Variants in LARGE1 observed in about 807,000 individuals in gnomAD.
LARGE1 encodes the protein xylosyl- and glucuronyltransferase LARGE1.
A neutral mutation model predicts 87.6 loss-of-function variants in LARGE1; 43 were observed. That is an observed-to-expected ratio of 0.49 (90% CI 0.38 to 0.63). LARGE1 has a LOEUF of 0.63. LARGE1 is among the 30% of genes least tolerant of loss of function. The probability of loss-of-function intolerance (pLI) is 0.00; values close to 1 mark genes in which losing one functional copy is unlikely to be tolerated. For missense variants in LARGE1, 802 were observed against 1,000.2 expected, an observed-to-expected ratio of 0.80 and a Z score of 2.67; for synonymous variants, 434 against 394.6, an observed-to-expected ratio of 1.10 and a Z score of -1.18.
the LARGE1 span, among the ~76,000 whole-genome samples, chr22:33,101,500 C>T: frequency 2.4e-3 from 365 of 152,266 alleles, no homozygotes; most frequent in African/African-American, 8.6e-3. Flanking sequence ...CTCCTCTGTG[C>T]TAGGAACTAG....
chr22:33,301,403 G>A lies in LARGE1; in HGVS notation c.1730+2826C>T, dbSNP rs78228961. Among the ~76,000 whole-genome samples the A allele has an allele frequency of 2.0e-3, 309 of 152,024 alleles. 3 individuals carry two copies. Among genetic ancestry groups the A allele is most frequent in the Admixed American group, 3.8e-3 (58 of 15,256 alleles). On this transcript the variant is annotated intron_variant, in intron 12 of 14. Transcript: ENST00000397394. Reference sequence around the variant, plus strand: ...AGGCAGCCTGAAGGCATATTTTGTCGGCCTCAACAGCATTTGAAATGATTT... The same window carrying A: ...AGGCAGCCTGAAGGCATATTTTGTCAGCCTCAACAGCATTTGAAATGATTT...
chr22:33,304,046 T>C (rs1934531277), intron 12 of LARGE1, among the ~76,000 whole-genome samples, 183 bp downstream of exon 12: 1 of 152,254 alleles, frequency 6.6e-6, no homozygotes, highest in Non-Finnish European at 1.5e-5. Flanking sequence ...TTTCAGTCTG[T>C]TCACTGAGAA....
chr22:33,726,729 G>A (rs1230539760), intron 2 of LARGE1, among the ~76,000 whole-genome samples: 1 of 152,136 alleles, frequency 6.6e-6, no homozygotes, highest in Non-Finnish European at 1.5e-5. Context: ...CCAGCCCCAA[G>A]GTGGGCAATT....
At chr22:33,800,899 A>C (rs1249279537) in intron 1 of LARGE1, among the ~76,000 whole-genome samples, 1 of 152,172 alleles carries the variant, frequency 6.6e-6, no homozygotes, top group East Asian at 1.9e-4. Context: ...TTTTTCTGGA[A>C]GTGTGACTTC....
intron 2 of LARGE1, among the ~76,000 whole-genome samples, chr22:33,737,061 C>T (rs889680712): frequency 6.6e-6 from 1 of 152,074 alleles, no homozygotes; most frequent in Admixed American, 6.6e-5. Context: ...GGGATCCTCC[C>T]CTCTCTTCAC....
intron 2 of LARGE1, among the ~76,000 whole-genome samples, chr22:33,665,090 C>T (rs112852300): frequency 1.6e-4 from 24 of 152,186 alleles, no homozygotes; most frequent in African/African-American, 5.8e-4. Flanking sequence ...GTTGCCTCTT[C>T]CCTCGTTCAT....
At chr22:33,156,461 G>A in the LARGE1 span, among the ~76,000 whole-genome samples, 1 of 152,148 alleles carries the variant, frequency 6.6e-6, no homozygotes, top group Non-Finnish European at 1.5e-5. Flanking sequence ...TGAGCTTTAA[G>A]GTTTGACTGC....
Position 33,809,122 on chromosome 22 carries a change from A to G in LARGE1, c.-82-47564T>C, listed in dbSNP as rs189794695. The stretch of plus-strand genomic sequence containing the variant: ...CCCCATCTCTACTAAAAGTACAAAA[A>G]TTAGCTGGGCGTGGTAGTGGGTGCC... On this transcript the variant is annotated intron_variant, in intron 1 of 14. Coordinates refer to ENST00000397394, the MANE Select transcript of LARGE1 (RefSeq NM_133642.5). Among the ~76,000 whole-genome samples, 671 of 152,142 alleles carry G rather than the reference A, an allele frequency of 4.4e-3. 3 individuals are homozygous for G. The highest frequency in any genetic ancestry group is 0.015 in the African/African-American group (617 of 41,530).
Position 33,305,838 on chromosome 22 carries a change from C to CTTTT in LARGE1, c.1452-1335_1452-1332dup, listed in dbSNP as rs200366425. Among the ~76,000 whole-genome samples, 536 of 126,370 alleles carry CTTTT rather than the reference C, an allele frequency of 4.2e-3. 30 individuals are homozygous for CTTTT. Among genetic ancestry groups the CTTTT allele is most frequent in the African/African-American group, 0.013 (413 of 30,856 alleles). 82.9% of individuals were successfully genotyped at this position (126,370 alleles called of 152,430 possible). On this transcript the variant is annotated intron_variant, in intron 11 of 14. Transcript: ENST00000397394. ...AAATTGACCAGAAACATTTCTTTTT[C>CTTTT]TTTTTCTTTTTTTTTTTTTTGAGGC... is the stretch of plus-strand genomic sequence containing the variant.
chr22:33,421,129 C>T (rs1024199636), intron 7 of LARGE1, among the ~76,000 whole-genome samples: 1 of 152,104 alleles, frequency 6.6e-6, no homozygotes, highest in Admixed American at 6.6e-5. Context: ...GTGGAGGTTG[C>T]AGTGAGCAGA....
At chr22:33,859,475 G>A (rs2063850784) in intron 1 of LARGE1, among the ~76,000 whole-genome samples, 1 of 152,188 alleles carries the variant, frequency 6.6e-6, no homozygotes, top group Non-Finnish European at 1.5e-5. Context: ...AGTGTTGTCT[G>A]AGTAGGGACT....
chr22:33,625,453 C>A (rs147494893), intron 4 of LARGE1, among the ~76,000 whole-genome samples: 35 of 152,246 alleles, frequency 2.3e-4, no homozygotes, highest in Non-Finnish European at 4.7e-4. Flanking sequence ...CATGGGGGTC[C>A]ACGAGAGTCA....
chr22:33,719,744 T>A (rs1030871531), intron 2 of LARGE1, among the ~76,000 whole-genome samples: 1 of 152,126 alleles, frequency 6.6e-6, no homozygotes, highest in African/African-American at 2.4e-5. Flanking sequence ...ATGGTCCTGA[T>A]TTCCTGACCT....
At chr22:33,174,634 G>C (rs1295769804) in intron 11 of LARGE1, among the ~76,000 whole-genome samples, 1 of 152,036 alleles carries the variant, frequency 6.6e-6, no homozygotes. Flanking sequence ...GAATCAAATA[G>C]ACACAATAAA....
At chr22:33,776,136 CAG>C (rs2145853324) in intron 1 of LARGE1, among the ~76,000 whole-genome samples, 1 of 152,300 alleles carries the variant, frequency 6.6e-6, no homozygotes, top group Admixed American at 6.5e-5. Context: ...TCTTTTCCTC[CAG>C]AGTCATCTCC....
In LARGE1 at chr22:33,304,406, T is replaced by C. The variant is rs756533976; in HGVS notation, c.1553A>G (p.Gln518Arg). 3.1e-6 allele frequency: 5 copies of C among 1,614,254 alleles called. No homozygotes were observed. Among genetic ancestry groups the C allele is most frequent in the African/African-American group, 1.3e-5 (1 of 75,060 alleles). ...AEAQQFLRYAQGSEVLMSRHN... is the reference protein window; with the variant it reads ...AEAQQFLRYARGSEVLMSRHN... Reference sequence around the variant, plus strand: ...GCGGCTCATAAGCACCTCAGAGCCCTGTGCGTAGCGGAGGAACTGCTGGGC... The same window carrying C: ...GCGGCTCATAAGCACCTCAGAGCCCCGTGCGTAGCGGAGGAACTGCTGGGC... Residue 518 changes from glutamine to arginine, a missense_variant, in exon 12 of 15, where the codon CAG (glutamine) becomes CGG (arginine). Gln to Arg is a conservative substitution (Grantham distance 43, BLOSUM62 1). Coordinates refer to ENST00000397394, the MANE Select transcript of LARGE1 (RefSeq NM_133642.5).
At chr22:33,377,948 A>G (rs2065039727) in intron 9 of LARGE1, among the ~76,000 whole-genome samples, 3 of 152,220 alleles carry the variant, frequency 2.0e-5, no homozygotes, top group South Asian at 4.1e-4. Context: ...CCTTCATCCT[A>G]CTTTCAATAT....
Position 33,789,278 on chromosome 22 carries a change from C to A in LARGE1, c.-82-27720G>T, listed in dbSNP as rs190090404. 5.1e-4 allele frequency among the ~76,000 whole-genome samples: 77 copies of A among 152,310 alleles called. 1 individual carries two copies. In the East Asian group the frequency reaches 0.014, roughly 28 times the overall value. ...TGGTGGCTTCCACATGCTGTTGGGC[C>A]TGGGGGTAAAGAGAAGTCAATAATT... On this transcript the variant is annotated intron_variant, in intron 1 of 14. Transcript: ENST00000397394.
At chr22:33,676,930 T>C (rs1005627948) in intron 2 of LARGE1, among the ~76,000 whole-genome samples, 3 of 152,188 alleles carry the variant, frequency 2.0e-5, no homozygotes, top group Admixed American at 6.5e-5. Context: ...AGCAATAAGA[T>C]AGAGCTTCAA....
Sources: gnomAD v4.1 joint callset for allele counts (sites outside exome capture counted in the v4.1 genomes callset) on GRCh38, gnomAD v4.1.1 for gene constraint, MANE v1.5 for transcripts, NCBI Gene and HGNC (gene_info 2026-07-23, HGNC 2026-07-21) for gene names.